The following SDK1 variants were observed in gnomAD, a reference collection of about 807,000 sequenced individuals.
SDK1 encodes the protein protein sidekick-1.
Under a neutral mutation model 245.5 loss-of-function variants are expected in SDK1, and 157 were observed. The observed-to-expected ratio is 0.64, with a 90% CI of 0.56 to 0.73. The LOEUF (loss-of-function observed/expected upper bound fraction) is 0.73. SDK1 is among the 30% of genes least tolerant of loss of function. The pLI, the probability that SDK1 is intolerant of heterozygous loss-of-function variation, is 0.00. For synonymous variants in SDK1, 1,647 were observed against 1,278.5 expected (o/e 1.29, Z -6.15); for missense variants, 3,583 against 3,002.3 (o/e 1.19, Z -4.52).
intron 22 of SDK1, among the ~76,000 whole-genome samples, chr7:4,093,682 C>G (rs1044584769): frequency 1.3e-5 from 2 of 152,326 alleles, no homozygotes; most frequent in East Asian, 3.9e-4. Context: ...GCGGCGTCGA[C>G]AGCGACAGCG....
chr7:3,474,380 T>C (rs1009752798), intron 1 of SDK1, among the ~76,000 whole-genome samples: 5 of 151,954 alleles, frequency 3.3e-5, no homozygotes, highest in Non-Finnish European at 7.4e-5. Context: ...AGGTGTGAGC[T>C]ACTGTGCCCG....
chr7:3,667,345 G>C (rs1783565101), intron 4 of SDK1, among the ~76,000 whole-genome samples: 1 of 152,140 alleles, frequency 6.6e-6, no homozygotes, highest in African/African-American at 2.4e-5. Flanking sequence ...GTCACTTGTA[G>C]AATGACATTT....
At chr7:4,252,109 A>T (rs1369646022) in intron 44 of SDK1, among the ~76,000 whole-genome samples, 1 of 152,162 alleles carries the variant, frequency 6.6e-6, no homozygotes, top group African/African-American at 2.4e-5. Flanking sequence ...CACAACGTGC[A>T]GGTTTGTTAC....
intron 4 of SDK1, among the ~76,000 whole-genome samples, chr7:3,795,827 G>C (rs1208769274): frequency 6.6e-6 from 1 of 152,168 alleles, no homozygotes; most frequent in Non-Finnish European, 1.5e-5. Flanking sequence ...TTCGAGTCAA[G>C]TAGTAAAAAT....
intron 5 of SDK1, among the ~76,000 whole-genome samples, chr7:3,865,730 G>C (rs1388163365): frequency 2.0e-5 from 3 of 151,148 alleles, no homozygotes; most frequent in South Asian, 2.1e-4. Context: ...GCCCAGGCTG[G>C]TCTGAAACTC....
chr7:3,822,884 T>A (rs1355108153), intron 5 of SDK1, among the ~76,000 whole-genome samples: 1 of 152,148 alleles, frequency 6.6e-6, no homozygotes, highest in African/African-American at 2.4e-5. Context: ...GGTGAATCTT[T>A]GTAGCAAACT....
chr7:4,048,260 G>A (rs1260358566), intron 17 of SDK1, among the ~76,000 whole-genome samples: 1 of 152,156 alleles, frequency 6.6e-6, no homozygotes, highest in African/African-American at 2.4e-5. Flanking sequence ...TGAAGAACCA[G>A]GACCTTCCTT....
At chr7:3,514,837 T>C (rs770267646) in intron 1 of SDK1, among the ~76,000 whole-genome samples, 1 of 152,198 alleles carries the variant, frequency 6.6e-6, no homozygotes, top group East Asian at 1.9e-4. Context: ...TATTGGGCAG[T>C]GTAACAATCT....
In SDK1 at chr7:3,687,056, A is replaced by AACACACACACAC. The variant is rs200034994; in HGVS notation, c.713+44984_713+44995dup. On this transcript the variant is annotated intron_variant, in intron 4 of 44. Transcript: ENST00000404826. ...CCAAACTGGGTTGGGATAGCATCAA[A>AACACACACACAC]ACACACACACACACACACACACACA... Among the ~76,000 whole-genome samples, 784 of 135,204 alleles carry AACACACACACAC rather than the reference A, an allele frequency of 5.8e-3. 6 individuals carry two copies. The highest frequency in any genetic ancestry group is 9.9e-3 in the Admixed American group (136 of 13,686). The allele number at this position is 135,204 out of a possible 152,430, so 88.7% of individuals were successfully genotyped here. A position where few individuals can be genotyped will look rare whatever the true frequency, so the allele number is the denominator to read the frequency against.
intron 1 of SDK1, among the ~76,000 whole-genome samples, chr7:3,484,014 T>C (rs1398503347): frequency 2.6e-5 from 4 of 152,194 alleles, no homozygotes; most frequent in Non-Finnish European, 4.4e-5. Flanking sequence ...ATCAGGGTAA[T>C]TGGGATATCT....
chr7:4,132,469 C>T (rs1163733670), intron 28 of SDK1, 46 bp downstream of exon 28: 1 of 1,411,806 alleles, frequency 7.1e-7, no homozygotes, highest in Non-Finnish European at 9.8e-7. Context: ...GGCCTGTCAT[C>T]CCAGCACCTT....
chr7:3,385,290 C>T (rs139696634), intron 1 of SDK1, among the ~76,000 whole-genome samples: 88 of 152,108 alleles, frequency 5.8e-4, no homozygotes, highest in African/African-American at 1.9e-3. Flanking sequence ...TTGGAAGGTA[C>T]GCTGTGAATG....
chr7:3,561,754 T>G (rs898492791), intron 1 of SDK1, among the ~76,000 whole-genome samples: 4 of 152,208 alleles, frequency 2.6e-5, no homozygotes, highest in Non-Finnish European at 5.9e-5. Context: ...AGAGCTCACG[T>G]TCCCTTCCAG....
intron 5 of SDK1, among the ~76,000 whole-genome samples, chr7:3,882,469 C>A (rs887747372): frequency 6.6e-6 from 1 of 152,182 alleles, no homozygotes. Flanking sequence ...CATCTGACCC[C>A]AAACACTGAT....
intron 28 of SDK1, among the ~76,000 whole-genome samples, chr7:4,143,163 CG>C (rs1161261764): frequency 1.3e-5 from 2 of 152,142 alleles, no homozygotes; most frequent in African/African-American, 4.8e-5. Flanking sequence ...GTGCTGCTTC[CG>C]GTGGGCATTC....
intron 1 of SDK1, among the ~76,000 whole-genome samples, chr7:3,462,850 T>C (rs1730074137): frequency 6.6e-6 from 1 of 152,254 alleles, no homozygotes; most frequent in Admixed American, 6.5e-5. Context: ...CTGGGACTCA[T>C]GACATCGTGC....
chr7:3,765,619 C>T (rs919798082), intron 4 of SDK1, among the ~76,000 whole-genome samples: 5 of 152,166 alleles, frequency 3.3e-5, no homozygotes, highest in Non-Finnish European at 7.3e-5. Flanking sequence ...TTTCTACATC[C>T]AGACATACTC....
intron 17 of SDK1, among the ~76,000 whole-genome samples, chr7:4,018,261 G>A (rs75105948): frequency 0.016 from 2,464 of 152,300 alleles, 63 homozygotes; most frequent in African/African-American, 0.056. Context: ...ACCTTTTTCA[G>A]ATGACAAGGT....
At chr7:4,237,870 C>T (rs1400977843) in intron 42 of SDK1, 86 bp downstream of exon 42, 31 of 1,477,774 alleles carry the variant, frequency 2.1e-5, no homozygotes, top group South Asian at 8.6e-5. Flanking sequence ...CTGCCGGGCC[C>T]GTGTCTGCTT....
Sources: gnomAD v4.1 joint callset for allele counts (sites outside exome capture counted in the v4.1 genomes callset) on GRCh38, gnomAD v4.1.1 for gene constraint, MANE v1.5 for transcripts, NCBI Gene and HGNC (gene_info 2026-07-23, HGNC 2026-07-21) for gene names.